Variants in ATG10 observed in about 807,000 individuals in gnomAD.
ATG10 encodes the protein ubiquitin-like-conjugating enzyme ATG10.
ATG10 carries 30 observed loss-of-function variants against 32.1 expected under a neutral mutation model. The ratio of observed to expected loss-of-function variants is 0.94; its 90% CI spans 0.70 to 1.27. The LOEUF is 1.27. Among genes scored for constraint, ATG10 ranks in the 50% most tolerant of loss-of-function variants. The pLI, the probability that ATG10 is intolerant of heterozygous loss-of-function variation, is 0.00. For synonymous variants in ATG10, 87 were observed against 91.5 expected (o/e 0.95, Z 0.28); for missense variants, 233 against 262.3 (o/e 0.89, Z 0.77).
chr5:82,114,727 C>T (rs1337380636), intron 3 of ATG10, among the ~76,000 whole-genome samples: 9 of 152,002 alleles, frequency 5.9e-5, no homozygotes, highest in Admixed American at 5.9e-4. Flanking sequence ...TCGGCATCTT[C>T]GGTTTACAGT....
intron 3 of ATG10, among the ~76,000 whole-genome samples, chr5:82,075,466 T>C (rs919044203): frequency 6.6e-6 from 1 of 152,226 alleles, no homozygotes; most frequent in Non-Finnish European, 1.5e-5. Flanking sequence ...TGTTTGTGTT[T>C]TGCAGGTTTT....
intron 3 of ATG10, among the ~76,000 whole-genome samples, chr5:82,093,053 G>T (rs1399061002): frequency 6.6e-6 from 1 of 152,132 alleles, no homozygotes; most frequent in African/African-American, 2.4e-5. Flanking sequence ...GACTATACTT[G>T]CACTATCCTA....
intron 2 of ATG10, among the ~76,000 whole-genome samples, chr5:82,034,134 A>G (rs1205023130): frequency 1.3e-5 from 2 of 151,770 alleles, no homozygotes; most frequent in African/African-American, 4.8e-5. Context: ...CATGAACTTC[A>G]GGCTTTTGTA....
At position 82,038,875 on chromosome 5, in the gene ATG10, T is replaced by A. The variant is rs1376318597; in HGVS notation, c.109-19620T>A. Among the ~76,000 whole-genome samples, 3 of 152,218 alleles carry A rather than the reference T, an allele frequency of 2.0e-5. No homozygotes were observed. The East Asian group carries it at 5.8e-4, about 29-fold the overall frequency. Reference sequence around the variant, plus strand: ...GTTTAATTAATTAATTTAGACTGAATCTTGCTCTGTCGCCCAGGCTGGAGT... The same window carrying A: ...GTTTAATTAATTAATTTAGACTGAAACTTGCTCTGTCGCCCAGGCTGGAGT... On this transcript the variant is annotated intron_variant, in intron 2 of 7. Coordinates refer to ENST00000282185, the MANE Select transcript of ATG10 (RefSeq NM_031482.5).
intron 3 of ATG10, among the ~76,000 whole-genome samples, chr5:82,085,321 G>A (rs1223645069): frequency 6.6e-6 from 1 of 151,998 alleles, no homozygotes; most frequent in Non-Finnish European, 1.5e-5. Flanking sequence ...GGAGCACCCA[G>A]ATTCATAAAG....
chr5:82,239,296 A>G (rs566788690), intron 5 of ATG10, among the ~76,000 whole-genome samples: 1 of 152,218 alleles, frequency 6.6e-6, no homozygotes. Context: ...ACTTTGGCAC[A>G]TTAGGCTGTC....
intron 4 of ATG10, among the ~76,000 whole-genome samples, chr5:82,168,372 C>T (rs2149906461): frequency 6.6e-6 from 1 of 152,318 alleles, no homozygotes; most frequent in Admixed American, 6.5e-5. Flanking sequence ...TGATTCATCT[C>T]TTTCTTTTCA....
At chr5:81,986,009 T>C (rs1210452687) in intron 1 of ATG10, among the ~76,000 whole-genome samples, 3 of 152,094 alleles carry the variant, frequency 2.0e-5, no homozygotes, top group Non-Finnish European at 4.4e-5. Context: ...GTGATCCGCC[T>C]GCCTCGGCCT....
At chr5:82,003,235 A>T (rs908478722) in intron 2 of ATG10, among the ~76,000 whole-genome samples, 1 of 152,236 alleles carries the variant, frequency 6.6e-6, no homozygotes, top group South Asian at 2.1e-4. Flanking sequence ...AAAGTACCGT[A>T]ATATTAATCT....
At position 82,186,292 on chromosome 5, in the gene ATG10, G is replaced by C. The variant is rs114066887; in HGVS notation, c.453+7705G>C. On this transcript the variant is annotated intron_variant, in intron 5 of 7. Coordinates refer to ENST00000282185, the MANE Select transcript of ATG10 (RefSeq NM_031482.5). Reference sequence around the variant, plus strand: ...TGTGGGTATTAATAAGTCATTTAGGGGGCAGGTTTATGGCAGCACAATAAA... The same window carrying C: ...TGTGGGTATTAATAAGTCATTTAGGCGGCAGGTTTATGGCAGCACAATAAA... 1.6e-3 allele frequency among the ~76,000 whole-genome samples: 245 copies of C among 152,248 alleles called. 1 individual carries two copies. The highest frequency in any genetic ancestry group is 5.7e-3 in the African/African-American group (236 of 41,544).
chr5:82,067,966 A>G (rs1292639036), intron 3 of ATG10, among the ~76,000 whole-genome samples: 1 of 152,220 alleles, frequency 6.6e-6, no homozygotes, highest in Non-Finnish European at 1.5e-5. Flanking sequence ...ATGTTTCTGT[A>G]CAAAAATCGG....
In ATG10 at chr5:81,993,364, T is replaced by TTTCTTTCTTTTCC. The variant is rs374179266; in HGVS notation, c.108+5688_108+5689insCTTTCTTTTCCTT. Among the ~76,000 whole-genome samples, 15 of 34,144 alleles carry TTTCTTTCTTTTCC rather than the reference T, an allele frequency of 4.4e-4. 1 individual carries two copies. Among genetic ancestry groups the TTTCTTTCTTTTCC allele is most frequent in the Non-Finnish European group, 9.2e-4 (15 of 16,304 alleles). The allele number at this position is 34,144 out of a possible 152,430, so 22.4% of individuals were successfully genotyped here. ...CTTTCTTTCTTTCTTTCTTTCCTTC[T>TTTCTTTCTTTTCC]TTTCTTTTCTTTTCTTTTCTTTTCT... On this transcript the variant is annotated intron_variant, in intron 2 of 7. Coordinates refer to ENST00000282185, the MANE Select transcript of ATG10 (RefSeq NM_031482.5).
At chr5:82,207,416 G>A (rs1285886178) in intron 5 of ATG10, among the ~76,000 whole-genome samples, 1 of 152,046 alleles carries the variant, frequency 6.6e-6, no homozygotes, top group East Asian at 1.9e-4. Flanking sequence ...GATTAATGAG[G>A]TTCATCTACT....
At chr5:82,084,422 A>C (rs985822906) in intron 3 of ATG10, among the ~76,000 whole-genome samples, 3 of 152,260 alleles carry the variant, frequency 2.0e-5, no homozygotes, top group Non-Finnish European at 4.4e-5. Flanking sequence ...GATATTATCC[A>C]GGAGAACTTC....
At chr5:81,990,607 G>T (rs193078506) in intron 2 of ATG10, among the ~76,000 whole-genome samples, 2 of 152,348 alleles carry the variant, frequency 1.3e-5, no homozygotes, top group Admixed American at 1.3e-4. Flanking sequence ...AAAAAGGGAT[G>T]TGTAAGTCTA....
At chr5:82,009,663 C>G in intron 2 of ATG10, 1 of 1,589,270 alleles carries the variant, frequency 6.3e-7, no homozygotes, top group Non-Finnish European at 8.6e-7. Flanking sequence ...GGACCCAAAG[C>G]ACTCCATGAC....
Position 82,010,154 on chromosome 5 carries a change from T to C in ATG10, c.108+22476T>C. The C allele has an allele frequency of 2.2e-6, 3 of 1,373,114 alleles. No individual in the cohort carries two copies. In the South Asian group the frequency reaches 3.6e-5, roughly 17 times the overall value. 85.1% of individuals were successfully genotyped at this position (1,373,114 alleles called of 1,614,324 possible). On this transcript the variant is annotated intron_variant, in intron 2 of 7. Coordinates refer to ENST00000282185, the MANE Select transcript of ATG10 (RefSeq NM_031482.5). ...CTGCAAAGCCGCTTTCTTATATTTC[T>C]TGTCCTCAAGGTCTTGGAGAATGTT...
chr5:82,157,753 C>T (rs1767862285), intron 3 of ATG10, among the ~76,000 whole-genome samples: 1 of 152,160 alleles, frequency 6.6e-6, no homozygotes, highest in African/African-American at 2.4e-5. Flanking sequence ...GAGTATATTA[C>T]ATCGCATCTT....
At chr5:82,024,658 C>T (rs1418152177) in intron 2 of ATG10, among the ~76,000 whole-genome samples, 5 of 152,248 alleles carry the variant, frequency 3.3e-5, no homozygotes, top group African/African-American at 1.2e-4. Flanking sequence ...TGCCCTATAA[C>T]ATAACATTAT....
Sources: gnomAD v4.1 joint callset for allele counts (sites outside exome capture counted in the v4.1 genomes callset) on GRCh38, gnomAD v4.1.1 for gene constraint, MANE v1.5 for transcripts, NCBI Gene and HGNC (gene_info 2026-07-23, HGNC 2026-07-21) for gene names.